The following ZNF8 variants were observed in gnomAD, a reference collection of about 807,000 sequenced individuals.
ZNF8 encodes zinc finger protein 8.
In ZNF8, 9 loss-of-function variants were observed where a neutral mutation model predicts 12.2. That is an observed-to-expected ratio of 0.73 (90% CI 0.44 to 1.28). The LOEUF (loss-of-function observed/expected upper bound fraction) is 1.28, where lower values mean the gene tolerates loss of function less well. Ranked by LOEUF, ZNF8 falls within the 50% of genes most tolerant of loss-of-function variation. The probability of loss-of-function intolerance (pLI) is 0.00; values close to 1 mark genes in which losing one functional copy is unlikely to be tolerated. For synonymous variants in ZNF8, 274 were observed against 282.3 expected (o/e 0.97, Z 0.30); for missense variants, 664 against 729.1 (o/e 0.91, Z 1.03).
intron 1 of ZNF8, among the ~76,000 whole-genome samples, chr19:58,284,083 G>T (rs1247372391): frequency 1.3e-5 from 2 of 152,040 alleles, no homozygotes. Context: ...AATTAGCTGG[G>T]TGTGGTGGCG....
At position 58,279,087 on chromosome 19, in the gene ZNF8, C is replaced by T. The variant is rs1273867869; in HGVS notation, c.6C>T (p.Asp2=). The part of the protein sequence containing the change: M[D]PEDEGVAGVM... ...CCTTCACTGGGCGATCCAGCATGGACCCCGAGGACGAAGGGGTAGCGGGAG... is the reference window on the plus strand; with the variant it reads ...CCTTCACTGGGCGATCCAGCATGGATCCCGAGGACGAAGGGGTAGCGGGAG... Residue 2 remains aspartate, a synonymous_variant, in exon 1 of 4, where the codon GAC becomes GAT. Transcript: ENST00000621650. 4.6e-6 allele frequency: 7 copies of T among 1,521,470 alleles called. No homozygotes were observed. In the East Asian group the frequency reaches 1.7e-4, roughly 37 times the overall value. 94.2% of individuals were successfully genotyped at this position (1,521,470 alleles called of 1,614,324 possible).
chr19:58,281,634 A>G (rs113744797), intron 1 of ZNF8, among the ~76,000 whole-genome samples: 1,623 of 152,256 alleles, frequency 0.011, 14 homozygotes, highest in Middle Eastern at 0.02. Flanking sequence ...GCACAAATCA[A>G]AATTGGTGGG....
At position 58,294,496 on chromosome 19, in the gene ZNF8, G is replaced by A. The variant is rs533272837; in HGVS notation, c.688G>A (p.Glu230Lys). 2.5e-6 allele frequency: 4 copies of A among 1,614,176 alleles called. No individual in the cohort carries two copies. Among genetic ancestry groups the A allele is most frequent in the Admixed American group, 3.3e-5 (2 of 59,998 alleles). Reference protein sequence around the residue: ...QTGSPGKQPGENSDCHRDSSQ... With the variant: ...QTGSPGKQPGKNSDCHRDSSQ... Reference sequence around the variant, plus strand: ...AGGCTCCCCAGGAAAACAGCCCGGTGAAAACAGTGACTGTCACAGAGATTC... The same window carrying A: ...AGGCTCCCCAGGAAAACAGCCCGGTAAAAACAGTGACTGTCACAGAGATTC... The change falls in exon 4 of 4, where the codon GAA (glutamate) becomes AAA (lysine). Residue 230 changes from glutamate (E) to lysine (K), a missense_variant. Physicochemically the swap from Glu to Lys is moderately conservative, Grantham distance 56. Around this residue, in one of 3 missense-constraint regions of ZNF8, gnomAD observed 306 missense variants for 308.7 expected, o/e 0.99. Coordinates refer to ENST00000621650, the MANE Select transcript of ZNF8 (RefSeq NM_021089.3). The surrounding 1 kb of genome is among the most constrained non-coding windows in gnomAD (Gnocchi z 5.5).
chr19:58,289,423 G>A (rs984855036), intron 3 of ZNF8, among the ~76,000 whole-genome samples: 1 of 151,550 alleles, frequency 6.6e-6, no homozygotes, highest in Non-Finnish European at 1.5e-5. Flanking sequence ...TTAAACCCAG[G>A]AGGTGGAGGT....
chr19:58,289,484 A>G (rs1020939828), intron 3 of ZNF8, among the ~76,000 whole-genome samples: 2 of 151,092 alleles, frequency 1.3e-5, no homozygotes, highest in African/African-American at 4.9e-5. Flanking sequence ...CGACAGAGCA[A>G]AACTCTGTCT....
At chr19:58,286,943 A>T (rs2051386806) in intron 3 of ZNF8, 1 of 152,016 alleles carries the variant, frequency 6.6e-6, no homozygotes, top group African/African-American at 2.4e-5. Context: ...TCCCTCTCTC[A>T]CCATCCTTCT....
Position 58,294,730 on chromosome 19 carries a change from A to G in ZNF8, c.922A>G (p.Thr308Ala). 1 of 1,614,116 alleles carries G rather than the reference A, an allele frequency of 6.2e-7. No individual in the cohort carries two copies. The highest frequency in any genetic ancestry group is 8.5e-7 in the Non-Finnish European group (1 of 1,180,010). ...SSLVQHERIH[T>A]GDKPYKCAEC... ...CCTCGTCCAGCATGAGCGCATCCAC[A>G]CTGGAGACAAGCCCTACAAGTGTGC... The change falls in exon 4 of 4, where the codon ACT (threonine) becomes GCT (alanine). Residue 308 changes from threonine (T) to alanine (A), a missense_variant. Around this residue, in one of 3 missense-constraint regions of ZNF8, gnomAD observed 133 missense variants for 198.4 expected, o/e 0.67. Transcript: ENST00000621650. The surrounding 1 kb of genome is among the most constrained non-coding windows in gnomAD (Gnocchi z 5.5).
At chr19:58,292,238 G>A (rs973167787) in intron 3 of ZNF8, among the ~76,000 whole-genome samples, 2 of 152,062 alleles carry the variant, frequency 1.3e-5, no homozygotes, top group African/African-American at 2.4e-5. Context: ...TTGGGGTACC[G>A]TGACAAAATA....
At chr19:58,283,016 T>C (rs2051360349) in intron 1 of ZNF8, among the ~76,000 whole-genome samples, 1 of 151,524 alleles carries the variant, frequency 6.6e-6, no homozygotes, top group African/African-American at 2.4e-5. Context: ...TCACTCTGGT[T>C]GCTTAGGCTG....
intron 3 of ZNF8, among the ~76,000 whole-genome samples, chr19:58,293,346 CCCT>C (rs1292616389): frequency 2.0e-5 from 3 of 152,152 alleles, no homozygotes; most frequent in Non-Finnish European, 2.9e-5. Flanking sequence ...TTCATTCATT[CCCT>C]CGATACGTTC....
chr19:58,289,514 AAAGGACAGATTT>A (rs1005938737), intron 3 of ZNF8, among the ~76,000 whole-genome samples: 5 of 151,842 alleles, frequency 3.3e-5, no homozygotes, highest in Admixed American at 6.6e-5. Context: ...AAAAAAAAAA[AAAGGACAGATTT>A]ATTTTCTTAT....
intron 1 of ZNF8, 98 bp downstream of exon 1, chr19:58,279,245 C>T (rs1326778107): frequency 2.0e-6 from 3 of 1,533,174 alleles, no homozygotes; most frequent in Non-Finnish European, 2.6e-6. Flanking sequence ...AGCGGCACCG[C>T]TGTTAATGCC....
At chr19:58,287,443 C>T (rs1413314052) in intron 3 of ZNF8, among the ~76,000 whole-genome samples, 1 of 151,486 alleles carries the variant, frequency 6.6e-6, no homozygotes, top group East Asian at 1.9e-4. Context: ...AATGATCCTC[C>T]TGCTTCAGCC....
rs371495271 is a variant in ZNF8, at chr19:58,295,522, A to C, written c.1714A>C (p.Arg572=). Reference sequence around the variant, plus strand: ...GGGTGCTTCCATGTTATTTGACATCAGAGAATCCACATAGGAGAGAAACTT... The same window carrying C: ...GGGTGCTTCCATGTTATTTGACATCCGAGAATCCACATAGGAGAGAAACTT... ...SVGASMLFDI[R]EST The change falls in exon 4 of 4, where the codon AGA becomes CGA. Residue 572 remains arginine, a synonymous_variant. Transcript: ENST00000621650. 6.9e-6 allele frequency: 11 copies of C among 1,601,722 alleles called. No individual in the cohort carries two copies. Among genetic ancestry groups the C allele is most frequent in the African/African-American group, 6.7e-5 (5 of 74,252 alleles).
At position 58,302,748 on chromosome 19, in the gene ZNF8, C is replaced by G. The variant is rs570987416; in HGVS notation, c.*7212C>G. 7 of 152,294 alleles carry G rather than the reference C, an allele frequency of 4.6e-5. No individual in the cohort carries two copies. The highest frequency in any genetic ancestry group is 4.8e-5 in the African/African-American group (2 of 41,538). 9.4% of individuals were successfully genotyped at this position (152,294 alleles called of 1,614,324 possible). On this transcript the variant is annotated 3_prime_UTR_variant, in exon 4 of 4. Coordinates refer to ENST00000621650, the MANE Select transcript of ZNF8 (RefSeq NM_021089.3). The stretch of plus-strand genomic sequence containing the variant: ...CTATCTAAATTACACATACATAAAC[C>G]CTTTGTCTAAGCAAACTTGCTGGGA...
chr19:58,285,237 C>T (rs1229899217), intron 1 of ZNF8, among the ~76,000 whole-genome samples: 1 of 152,050 alleles, frequency 6.6e-6, no homozygotes, highest in Non-Finnish European at 1.5e-5. Context: ...CAACCTCCAC[C>T]TCCTGGGCTC....
chr19:58,287,683 A>T (rs1477684410), intron 3 of ZNF8, among the ~76,000 whole-genome samples: 2 of 115,414 alleles, frequency 1.7e-5, no homozygotes, highest in African/African-American at 6.7e-5. Context: ...ACTCCGTTGC[A>T]CAGGCTGGAG....
intron 3 of ZNF8, among the ~76,000 whole-genome samples, chr19:58,289,065 T>C (rs2051401686): frequency 6.6e-6 from 1 of 152,220 alleles, no homozygotes; most frequent in South Asian, 2.1e-4. Flanking sequence ...ACTTAATACC[T>C]AGACAGTTAT....
At chr19:58,282,422 A>C (rs2051356210) in intron 1 of ZNF8, among the ~76,000 whole-genome samples, 1 of 152,152 alleles carries the variant, frequency 6.6e-6, no homozygotes, top group Non-Finnish European at 1.5e-5. Context: ...ATTATCTCCC[A>C]TTCTGTGAGT....
Sources: gnomAD v4.1 joint callset for allele counts (sites outside exome capture counted in the v4.1 genomes callset) on GRCh38, gnomAD v4.1.1 for gene constraint, gnomAD v4.1.1 regional missense constraint, Gnocchi (gnomAD v3.1) non-coding constraint, MANE v1.5 for transcripts, NCBI Gene and HGNC (gene_info 2026-07-23, HGNC 2026-07-21) for gene names.